Variants in UGGT2 observed in about 807,000 individuals in gnomAD.
The protein encoded by UGGT2 is UDP-glucose glycoprotein glucosyltransferase 2.
In UGGT2, 180 loss-of-function variants were observed where a neutral mutation model predicts 192.1. That is an observed-to-expected ratio of 0.94 (90% CI 0.83 to 1.06). UGGT2 has a LOEUF of 1.06. Ranked by LOEUF, UGGT2 falls within the 50% of genes least tolerant of loss-of-function variation. UGGT2 has a pLI of 0.00. For synonymous variants in UGGT2, 580 were observed against 591.0 expected (o/e 0.98, Z 0.27); for missense variants, 1,849 against 1,795.7 (o/e 1.03, Z -0.54).
chr13:95,983,673 G>T, intron 10 of UGGT2, 131 bp downstream of exon 10: 1 of 730,314 alleles, frequency 1.4e-6, no homozygotes, highest in Non-Finnish European at 2.3e-6. Flanking sequence ...AAAAATAGAA[G>T]AACCCAGACT....
chr13:96,047,712 A>G (rs1242611800), intron 1 of UGGT2, among the ~76,000 whole-genome samples: 1 of 152,194 alleles, frequency 6.6e-6, no homozygotes, highest in African/African-American at 2.4e-5. Context: ...CAGACTTTAA[A>G]CCAACAAAGA....
chr13:95,807,145 T>C (rs538324546), intron 38 of UGGT2, among the ~76,000 whole-genome samples: 35 of 152,336 alleles, frequency 2.3e-4, no homozygotes, highest in Non-Finnish European at 4.7e-4. Context: ...TATTATATAC[T>C]GTATTCTTAC....
chr13:96,051,392 TG>T (rs1484755418), intron 1 of UGGT2, among the ~76,000 whole-genome samples: 1 of 152,202 alleles, frequency 6.6e-6, no homozygotes, highest in Admixed American at 6.5e-5. Context: ...GATGAGTTAA[TG>T]GGTGCAGCAC....
intron 20 of UGGT2, among the ~76,000 whole-genome samples, 199 bp from the exon 21 acceptor site, chr13:95,903,259 G>T (rs545019953): frequency 5.3e-5 from 8 of 152,150 alleles, no homozygotes; most frequent in African/African-American, 7.2e-5. Flanking sequence ...AATTCCTTCA[G>T]ATATTTGCAT....
chr13:95,995,425 G>T (rs750564229), intron 7 of UGGT2: 14 of 152,046 alleles, frequency 9.2e-5, no homozygotes, highest in Admixed American at 3.3e-4. Flanking sequence ...AGTATGAGTG[G>T]TTATTAATTA....
chr13:95,882,726 A>G (rs1049397987), intron 27 of UGGT2, among the ~76,000 whole-genome samples: 3 of 152,156 alleles, frequency 2.0e-5, no homozygotes, highest in African/African-American at 7.2e-5. Context: ...TAGATTTGAC[A>G]CTCACTACAA....
intron 38 of UGGT2, among the ~76,000 whole-genome samples, chr13:95,817,500 T>A (rs1445264643): frequency 6.6e-6 from 1 of 152,132 alleles, no homozygotes; most frequent in Non-Finnish European, 1.5e-5. Context: ...GCAGGATTGC[T>A]TGAGCCCAGG....
chr13:95,850,904 C>T (rs763526263), intron 36 of UGGT2, among the ~76,000 whole-genome samples: 1 of 152,218 alleles, frequency 6.6e-6, no homozygotes, highest in Non-Finnish European at 1.5e-5. Context: ...AGAGTTGTCT[C>T]ACCCAAGGTC....
At chr13:95,945,804 AT>A (rs1482675989) in intron 15 of UGGT2, among the ~76,000 whole-genome samples, 5 of 152,126 alleles carry the variant, frequency 3.3e-5, no homozygotes, top group Non-Finnish European at 5.9e-5. Context: ...CCATGGCACT[AT>A]TTTATAGAGC....
At position 95,863,650 on chromosome 13, in the gene UGGT2, C is replaced by T. The variant is rs1890366020; in HGVS notation, c.3623G>A (p.Gly1208Glu). 1 of 1,611,596 alleles carries T rather than the reference C, an allele frequency of 6.2e-7. No homozygotes were observed. The highest frequency in any genetic ancestry group is 8.5e-7 in the Non-Finnish European group (1 of 1,178,202). ...ILTDEDEKTKGLWDSIKSFTV... is the reference protein window; with the variant it reads ...ILTDEDEKTKELWDSIKSFTV... ...TTACCTTTTAATGGAATCCCACAGT[C>T]CTTTTGTTTTTTCATCTTCATCGGT... is the stretch of plus-strand genomic sequence containing the variant. The change falls in exon 31 of 39, where the codon GGA (glycine) becomes GAA (glutamate). Residue 1208 changes from glycine to glutamate, a missense_variant. Gly to Glu is a moderately conservative substitution (Grantham distance 98). Transcript: ENST00000376747.
intron 12 of UGGT2, among the ~76,000 whole-genome samples, chr13:95,960,892 CT>C (rs2050369574): frequency 6.6e-6 from 1 of 152,080 alleles, no homozygotes; most frequent in Non-Finnish European, 1.5e-5. Flanking sequence ...ATTTAAAGTC[CT>C]GTAAGAAAAT....
rs73556728 is a variant in UGGT2, at chr13:95,809,479, C to T, written c.4529-7667G>A. 2,517 of 354,438 alleles carry T rather than the reference C, an allele frequency of 7.1e-3. 65 individuals carry two copies. The highest frequency in any genetic ancestry group is 0.051 in the African/African-American group (2,344 of 46,178). The allele number at this position is 354,438 out of a possible 1,614,324, so 22.0% of individuals were successfully genotyped here. Reference sequence around the variant, plus strand: ...TTTGCACGTTCTGTCTGGAGATTTACCCTTTTCTGCTGCCTTTTCTGGCTT... The same window carrying T: ...TTTGCACGTTCTGTCTGGAGATTTATCCTTTTCTGCTGCCTTTTCTGGCTT... On this transcript the variant is annotated intron_variant, in intron 38 of 38. Transcript: ENST00000376747.
intron 4 of UGGT2, among the ~76,000 whole-genome samples, chr13:96,017,575 CAT>C (rs557037736): frequency 9.9e-4 from 150 of 152,260 alleles, no homozygotes; most frequent in African/African-American, 3.4e-3. Flanking sequence ...CAGCCTAACA[CAT>C]AAAATCGGTA....
At chr13:96,048,724 T>C (rs1180381762) in intron 1 of UGGT2, among the ~76,000 whole-genome samples, 1 of 152,070 alleles carries the variant, frequency 6.6e-6, no homozygotes, top group Non-Finnish European at 1.5e-5. Flanking sequence ...GCAAATAAAC[T>C]AGAAAATCTA....
rs1890363349 is a variant in UGGT2 at position 95,863,626 on chromosome 13, T to C, written c.3644+3A>G. On this transcript the variant is annotated splice_donor_region_variant and intron_variant, in intron 31 of 38. Coordinates refer to ENST00000376747, the MANE Select transcript of UGGT2 (RefSeq NM_020121.4). ...ATGTATTAAAATATTCATTAGTAAT[T>C]ACCTTTTAATGGAATCCCACAGTCC... 1 of 1,594,810 alleles carries C rather than the reference T, an allele frequency of 6.3e-7. No individual in the cohort carries two copies. Among genetic ancestry groups the C allele is most frequent in the Non-Finnish European group, 8.6e-7 (1 of 1,163,184 alleles).
intron 13 of UGGT2, among the ~76,000 whole-genome samples, chr13:95,948,951 T>G (rs1185393399): frequency 6.6e-6 from 1 of 152,158 alleles, no homozygotes; most frequent in Admixed American, 6.5e-5. Context: ...TCTCAGGACA[T>G]CTGATGGTTT....
intron 12 of UGGT2, among the ~76,000 whole-genome samples, chr13:95,961,619 A>G (rs1319333655): frequency 6.6e-6 from 1 of 152,186 alleles, no homozygotes; most frequent in East Asian, 1.9e-4. Flanking sequence ...TATTACAGCT[A>G]AAGAGAGAGA....
chr13:96,003,963 C>T (rs1185333305), intron 5 of UGGT2, among the ~76,000 whole-genome samples: 1 of 152,038 alleles, frequency 6.6e-6, no homozygotes, highest in African/African-American at 2.4e-5. Context: ...TGACAGATTC[C>T]TCTAACAAAT....
chr13:95,901,971 G>A (rs1484270552), intron 21 of UGGT2, among the ~76,000 whole-genome samples: 2 of 152,006 alleles, frequency 1.3e-5, no homozygotes, highest in Admixed American at 6.6e-5. Context: ...CTATCTCAGG[G>A]TACTTTACTA....
Sources: allele counts gnomAD v4.1 joint callset (sites outside exome capture counted in the v4.1 genomes callset), GRCh38; gene constraint gnomAD v4.1.1; transcripts MANE v1.5; gene names NCBI Gene and HGNC (gene_info 2026-07-23, HGNC 2026-07-21).